Variants in PARD3 observed in about 807,000 individuals in gnomAD.
PARD3 encodes partitioning defective 3 homolog.
Under a neutral mutation model 155.4 loss-of-function variants are expected in PARD3, and 75 were observed. The ratio of observed to expected loss-of-function variants is 0.48; its 90% confidence interval spans 0.40 to 0.58. The LOEUF is 0.58. Among genes scored for constraint, PARD3 ranks in the 20% least tolerant of loss-of-function variants. The pLI, the probability that PARD3 is intolerant of heterozygous loss-of-function variation, is 0.00. For synonymous variants in PARD3, 576 were observed against 610.5 expected (o/e 0.94, Z 0.83); for missense variants, 1,642 against 1,721.7 (o/e 0.95, Z 0.82).
Position 34,360,047 on chromosome 10 carries a change from ACGC to A in PARD3, c.1896+21_1896+23del, listed in dbSNP as rs1316141712. Reference sequence around the variant, plus strand: ...AATTAAAATTTTTGTTAATAGGCATACGCATGATAAAGTTGACACTCACTTTAG... The same window carrying A: ...AATTAAAATTTTTGTTAATAGGCATAATGATAAAGTTGACACTCACTTTAG... On this transcript the variant is annotated intron_variant, in intron 13 of 24. Transcript: ENST00000374788. 3 of 1,585,770 alleles carry A rather than the reference ACGC, an allele frequency of 1.9e-6. No homozygotes were observed. The East Asian group carries it at 6.7e-5, about 35-fold the overall frequency.
chr10:34,605,532 ATCTCC>A (rs1425514154), intron 2 of PARD3, among the ~76,000 whole-genome samples: 25 of 38,754 alleles, frequency 6.5e-4, no homozygotes, highest in South Asian at 1.0e-3. Flanking sequence ...TCCTATATAT[ATCTCC>A]TATATATATA....
intron 1 of PARD3, among the ~76,000 whole-genome samples, chr10:34,814,095 T>C (rs1319727031): frequency 5.3e-5 from 8 of 151,948 alleles, no homozygotes; most frequent in Non-Finnish European, 1.0e-4. Context: ...CAGCCCGGGA[T>C]AGGTAGGAGC....
At chr10:34,790,675 G>T (rs904408631) in intron 1 of PARD3, among the ~76,000 whole-genome samples, 1 of 152,178 alleles carries the variant, frequency 6.6e-6, no homozygotes, top group South Asian at 2.1e-4. Context: ...AATTTTAAAA[G>T]ATGAAAAGTT....
In PARD3 at chr10:34,772,563, G is replaced by A. The variant is rs1021830167; in HGVS notation, c.120+42313C>T. Among the ~76,000 whole-genome samples, 8 of 151,090 alleles carry A rather than the reference G, an allele frequency of 5.3e-5. No individual in the cohort carries two copies. The South Asian group carries it at 8.4e-4, about 16-fold the overall frequency. On this transcript the variant is annotated intron_variant, in intron 1 of 24. Coordinates refer to ENST00000374788, the MANE Select transcript of PARD3 (RefSeq NM_001184785.2). ...TCCCAGCACTTTGGGAGGCTGAGGCGGGTGGATTACTTGAGCTCAGGAGTT... is the reference window on the plus strand; with the variant it reads ...TCCCAGCACTTTGGGAGGCTGAGGCAGGTGGATTACTTGAGCTCAGGAGTT...
At chr10:34,296,709 T>C (rs906658243) in intron 20 of PARD3, among the ~76,000 whole-genome samples, 9 of 152,338 alleles carry the variant, frequency 5.9e-5, no homozygotes, top group Admixed American at 2.6e-4. Flanking sequence ...TACATGCTGA[T>C]GGTGGATGGG....
chr10:34,188,506 C>G (rs1235477152), intron 22 of PARD3, among the ~76,000 whole-genome samples: 1 of 152,084 alleles, frequency 6.6e-6, no homozygotes, highest in Non-Finnish European at 1.5e-5. Flanking sequence ...AAAAGAATTG[C>G]CCAGGATACC....
At chr10:34,387,422 A>AT (rs1842462242) in intron 7 of PARD3, among the ~76,000 whole-genome samples, 1 of 151,774 alleles carries the variant, frequency 6.6e-6, no homozygotes, top group African/African-American at 2.4e-5. Context: ...TTTCACTTTA[A>AT]TTTTTTTTGA....
At chr10:34,672,381 A>G (rs1351390045) in intron 2 of PARD3, among the ~76,000 whole-genome samples, 1 of 152,238 alleles carries the variant, frequency 6.6e-6, no homozygotes, top group Non-Finnish European at 1.5e-5. Flanking sequence ...CCAAGCAGCT[A>G]CAGGTTCCCA....
At chr10:34,720,448 CAAAAAAAAAA>C (rs10603866) in intron 1 of PARD3, among the ~76,000 whole-genome samples, 1,624 of 56,942 alleles carry the variant, frequency 0.029, 47 homozygotes, top group African/African-American at 0.1. Context: ...AAGGCTCTGT[CAAAAAAAAAA>C]AAAAAAAAAA....
chr10:34,261,780 GAAAAGAAAGAAA>G (rs1564528203), intron 22 of PARD3, among the ~76,000 whole-genome samples: 2 of 47,576 alleles, frequency 4.2e-5, no homozygotes, highest in African/African-American at 1.2e-4. Flanking sequence ...AAGAAAGAAA[GAAAAGAAAGAAA>G]GAAAGAAAGA....
intron 1 of PARD3, among the ~76,000 whole-genome samples, chr10:34,729,293 G>A (rs1277144864): frequency 6.6e-6 from 1 of 152,158 alleles, no homozygotes; most frequent in Non-Finnish European, 1.5e-5. Context: ...CACTTTGGGA[G>A]GTTGAGGTGG....
intron 22 of PARD3, among the ~76,000 whole-genome samples, chr10:34,204,517 C>G (rs1454917281): frequency 6.6e-6 from 1 of 152,126 alleles, no homozygotes; most frequent in African/African-American, 2.4e-5. Context: ...TTCATTTAAC[C>G]CAAAACTCAG....
rs1269793034 is a variant in PARD3 at position 34,361,278 on chromosome 10, G to C, written c.1708-1019C>G. ...AAGTAAAAACTGAATGGCACATCTA[G>C]TCCTACAACCTATTTCTCCTCCTCT... On this transcript the variant is annotated intron_variant, in intron 12 of 24. Transcript: ENST00000374788. 2.0e-5 allele frequency among the ~76,000 whole-genome samples: 3 copies of C among 152,310 alleles called. No individual in the cohort carries two copies. The East Asian group carries it at 5.8e-4, about 29-fold the overall frequency.
At chr10:34,632,772 A>C (rs369988730) in intron 2 of PARD3, among the ~76,000 whole-genome samples, 1 of 152,232 alleles carries the variant, frequency 6.6e-6, no homozygotes, top group Admixed American at 6.5e-5. Flanking sequence ...AGCAAGTCTT[A>C]CCTTCATCAA....
chr10:34,673,992 A>AG, intron 2 of PARD3, among the ~76,000 whole-genome samples: 1 of 151,858 alleles, frequency 6.6e-6, no homozygotes, highest in East Asian at 1.9e-4. Context: ...ATCAAAAAAA[A>AG]AAAAACAAAC....
intron 20 of PARD3, among the ~76,000 whole-genome samples, chr10:34,304,752 G>A (rs1408238587): frequency 6.6e-6 from 1 of 152,158 alleles, no homozygotes; most frequent in Non-Finnish European, 1.5e-5. Flanking sequence ...ACCTTATAGG[G>A]TTATTATGAG....
At chr10:34,749,237 ATGTAGTTAGATGCT>A (rs1180902370) in intron 1 of PARD3, among the ~76,000 whole-genome samples, 1 of 152,366 alleles carries the variant, frequency 6.6e-6, no homozygotes, top group African/African-American at 2.4e-5. Flanking sequence ...GAAGTCTTGC[ATGTAGTTAGATGCT>A]TCCTAACACC....
chr10:34,441,783 TG>T (rs930783297), intron 5 of PARD3, among the ~76,000 whole-genome samples: 1 of 152,196 alleles, frequency 6.6e-6, no homozygotes, highest in African/African-American at 2.4e-5. Context: ...TTTTGATCAT[TG>T]TTTTTTTAAA....
intron 22 of PARD3, among the ~76,000 whole-genome samples, chr10:34,140,074 T>A (rs1188808847): frequency 6.6e-6 from 1 of 152,224 alleles, no homozygotes; most frequent in Non-Finnish European, 1.5e-5. Flanking sequence ...TTACACCCCG[T>A]GTGTTAAAAT....
Sources: gnomAD v4.1 joint callset for allele counts (sites outside exome capture counted in the v4.1 genomes callset) on GRCh38, gnomAD v4.1.1 for gene constraint, MANE v1.5 for transcripts, NCBI Gene and HGNC (gene_info 2026-07-23, HGNC 2026-07-21) for gene names.